MUCL1: variants seen among roughly 807,000 people sequenced by gnomAD.
MUCL1 encodes the protein mucin-like protein 1.
Under a neutral mutation model 9.2 loss-of-function variants are expected in MUCL1, and 11 were observed. The ratio of observed to expected loss-of-function variants is 1.19; its 90% confidence interval spans 0.75 to 1.97. The LOEUF is 1.97. Among genes scored for constraint, MUCL1 ranks in the 30% most tolerant of loss-of-function variants. The pLI is 0.00. For synonymous variants in MUCL1, 48 were observed against 40.5 expected, an observed-to-expected ratio of 1.19 and a Z score of -0.71; for missense variants, 144 against 110.9, an observed-to-expected ratio of 1.30 and a Z score of -1.34.
upstream of MUCL1, among the ~76,000 whole-genome samples, chr12:54,850,289 C>T (rs966097572): frequency 6.6e-6 from 1 of 151,402 alleles, no homozygotes; most frequent in African/African-American, 2.4e-5. Flanking sequence ...AGGTATATCT[C>T]CTAATGCTAT....
chr12:54,846,639 T>C (rs1959261247), intron 1 of MUCL1, among the ~76,000 whole-genome samples: 1 of 152,116 alleles, frequency 6.6e-6, no homozygotes, highest in Admixed American at 6.5e-5. Context: ...AGACTGGAAG[T>C]TCTTTTACTT....
Position 54,858,387 on chromosome 12 carries a change from A to T in MUCL1, c.*145A>T. Reference sequence around the variant, plus strand: ...CAAATAAAAAATAACTATGAGCAACATAAAAATGGTATTTCTTATGGGCTA... The same window carrying T: ...CAAATAAAAAATAACTATGAGCAACTTAAAAATGGTATTTCTTATGGGCTA... On this transcript the variant is annotated 3_prime_UTR_variant, in exon 4 of 4. Coordinates refer to ENST00000308796, the MANE Select transcript of MUCL1 (RefSeq NM_058173.3). 2 of 1,050,578 alleles carry T rather than the reference A, an allele frequency of 1.9e-6. No individual in the cohort carries two copies. The highest frequency in any genetic ancestry group is 2.8e-6 in the Non-Finnish European group (2 of 707,932). 65.1% of individuals were successfully genotyped at this position (1,050,578 alleles called of 1,614,324 possible).
At chr12:54,845,008 C>G (rs766194381) in intron 1 of MUCL1, among the ~76,000 whole-genome samples, 1 of 151,904 alleles carries the variant, frequency 6.6e-6, no homozygotes, top group Non-Finnish European at 1.5e-5. Flanking sequence ...CACTTGGGGA[C>G]TAATTAAATG....
intron 1 of MUCL1, among the ~76,000 whole-genome samples, chr12:54,832,766 A>C (rs1959187073): frequency 6.6e-6 from 1 of 152,104 alleles, no homozygotes; most frequent in South Asian, 2.1e-4. Context: ...ATATTATTTG[A>C]TATGTTAAGC....
rs1364071588 is a variant in MUCL1, at chr12:54,856,798, T to C, written c.129T>C (p.Asp43=). Residue 43 remains aspartate (D), a synonymous_variant, in exon 3 of 4, where the codon GAT becomes GAC. Coordinates refer to ENST00000308796, the MANE Select transcript of MUCL1 (RefSeq NM_058173.3). ...GTCCTGCTGATGATGAAGCCCCTGATGCTGAAACCACTGCTGCTGCAACCA... is the reference window on the plus strand; with the variant it reads ...GTCCTGCTGATGATGAAGCCCCTGACGCTGAAACCACTGCTGCTGCAACCA... ...ATGPADDEAP[D]AETTAAATTA... 1 of 1,613,270 alleles carries C rather than the reference T, an allele frequency of 6.2e-7. No homozygotes were observed. Among genetic ancestry groups the C allele is most frequent in the Admixed American group, 1.7e-5 (1 of 59,852 alleles).
intron 1 of MUCL1, among the ~76,000 whole-genome samples, chr12:54,842,456 C>T (rs964853234): frequency 6.6e-6 from 1 of 152,080 alleles, no homozygotes; most frequent in African/African-American, 2.4e-5. Context: ...ATTGCTAAAT[C>T]AAGTTAATTA....
upstream of MUCL1, among the ~76,000 whole-genome samples, chr12:54,835,896 T>C (rs761680454): frequency 5.3e-5 from 8 of 152,210 alleles, no homozygotes; most frequent in Non-Finnish European, 1.0e-4. Context: ...TTAATTTGCA[T>C]ATGTGGAACC....
chr12:54,847,201 A>G (rs1170163948), intron 1 of MUCL1, among the ~76,000 whole-genome samples: 1 of 152,126 alleles, frequency 6.6e-6, no homozygotes, highest in Non-Finnish European at 1.5e-5. Context: ...ATGTATCAAG[A>G]AGTAACCGAG....
At chr12:54,849,915 T>A (rs766643250), upstream of MUCL1, among the ~76,000 whole-genome samples, 15 of 152,294 alleles carry the variant, frequency 9.8e-5, no homozygotes, top group Middle Eastern at 6.8e-3. Flanking sequence ...CCCACGGGGC[T>A]CCCCTACACC....
At chr12:54,851,465 G>C (rs970985877), upstream of MUCL1, among the ~76,000 whole-genome samples, 4 of 151,100 alleles carry the variant, frequency 2.6e-5, no homozygotes, top group Middle Eastern at 3.4e-3. Context: ...ACAACCCTTC[G>C]TGCTAAAAAC....
At chr12:54,849,875 G>GA (rs1959310977), upstream of MUCL1, among the ~76,000 whole-genome samples, 1 of 152,080 alleles carries the variant, frequency 6.6e-6, no homozygotes, top group Admixed American at 6.5e-5. Flanking sequence ...AATAACTTCA[G>GA]AAAAATAAAG....
rs761062381 is a variant in MUCL1 at position 54,856,841 on chromosome 12, CCTACCACTGCAACCACCGCTGCTT to C, written c.183_206del (p.Thr62_Ala69del). The C allele has an allele frequency of 8.9e-5, 144 of 1,612,576 alleles. 1 individual carries two copies. Among genetic ancestry groups the C allele is most frequent in the Admixed American group, 3.5e-4 (21 of 59,886 alleles). On this transcript the variant is annotated inframe_deletion, in exon 3 of 4. Coordinates refer to ENST00000308796, the MANE Select transcript of MUCL1 (RefSeq NM_058173.3). ...TGCAACCACTGCAACCACTGCTGCT[CCTACCACTGCAACCACCGCTGCTT>C]CTACCACTGCTCGTAAAGACATTCC... is the stretch of plus-strand genomic sequence containing the variant.
At chr12:54,852,550 G>T (rs987016771), upstream of MUCL1, among the ~76,000 whole-genome samples, 1 of 152,160 alleles carries the variant, frequency 6.6e-6, no homozygotes, top group African/African-American at 2.4e-5. Context: ...GAAATTCTTT[G>T]TATCACACTT....
At chr12:54,854,018 G>A (rs1183323705), upstream of MUCL1, among the ~76,000 whole-genome samples, 6 of 152,224 alleles carry the variant, frequency 3.9e-5, no homozygotes, top group Admixed American at 2.6e-4. Flanking sequence ...AGTGTCAGAT[G>A]ACCTAATTAC....
upstream of MUCL1, among the ~76,000 whole-genome samples, chr12:54,834,970 G>C (rs894845913): frequency 2.0e-4 from 31 of 152,128 alleles, no homozygotes; most frequent in African/African-American, 6.7e-4. Flanking sequence ...AGATAGTTTA[G>C]CTTCCAGTTA....
intron 2 of MUCL1, among the ~76,000 whole-genome samples, chr12:54,855,713 A>G (rs1868293518): frequency 6.6e-6 from 1 of 152,204 alleles, no homozygotes; most frequent in African/African-American, 2.4e-5. Context: ...CAAAGCCTTT[A>G]GTCATTCTTG....
chr12:54,847,776 T>C (rs1485530122), intron 1 of MUCL1, among the ~76,000 whole-genome samples: 1 of 152,172 alleles, frequency 6.6e-6, no homozygotes, highest in African/African-American at 2.4e-5. Flanking sequence ...GGCCTGAAGA[T>C]GTATTTAATT....
chr12:54,837,601 T>TA (rs574160821), upstream of MUCL1, among the ~76,000 whole-genome samples: 16 of 150,404 alleles, frequency 1.1e-4, no homozygotes, highest in Non-Finnish European at 1.5e-4. Flanking sequence ...CTGTCTCTAC[T>TA]AAAAAAAAAT....
upstream of MUCL1, among the ~76,000 whole-genome samples, chr12:54,851,056 A>G (rs1449262917): frequency 6.6e-6 from 1 of 152,168 alleles, no homozygotes; most frequent in Admixed American, 6.5e-5. Context: ...GATTCTGGAT[A>G]TTAGCCCTTT....
Sources: allele counts gnomAD v4.1 joint callset (sites outside exome capture counted in the v4.1 genomes callset), GRCh38; gene constraint gnomAD v4.1.1; transcripts MANE v1.5; gene names NCBI Gene and HGNC (gene_info 2026-07-23, HGNC 2026-07-21).